TRIP12: variants seen among roughly 807,000 people sequenced by gnomAD.
The protein encoded by TRIP12 is E3 ubiquitin-protein ligase TRIP12.
In TRIP12, 25 loss-of-function variants were observed where a neutral mutation model predicts 244.2. The ratio of observed to expected loss-of-function variants is 0.10; its 90% CI spans 0.07 to 0.14. The LOEUF (loss-of-function observed/expected upper bound fraction) is 0.14. Ranked by LOEUF, TRIP12 falls within the 10% of genes least tolerant of loss-of-function variation. The pLI is 1.00. For synonymous variants in TRIP12, 905 were observed against 873.1 expected, an observed-to-expected ratio of 1.04 and a Z score of -0.64; for missense variants, 1,677 against 2,486.4, an observed-to-expected ratio of 0.67 and a Z score of 6.92.
chr2:229,899,955 G>A (rs1475879988), intron 1 of TRIP12, among the ~76,000 whole-genome samples: 1 of 152,000 alleles, frequency 6.6e-6, no homozygotes, highest in Non-Finnish European at 1.5e-5. Context: ...ATATATAGAA[G>A]GCGCTAATAG....
chr2:229,901,551 TG>T (rs1056184998), intron 1 of TRIP12, among the ~76,000 whole-genome samples: 4 of 146,170 alleles, frequency 2.7e-5, no homozygotes, highest in Admixed American at 7.0e-5. Context: ...TGAACCTGGG[TG>T]GTGGAGGTTG....
intron 1 of TRIP12, among the ~76,000 whole-genome samples, chr2:229,897,261 C>T (rs548825750): frequency 6.6e-6 from 1 of 152,240 alleles, no homozygotes; most frequent in South Asian, 2.1e-4. Context: ...ATATACAAGG[C>T]CTAATATTAC....
chr2:229,803,770 C>G, intron 19 of TRIP12, 81 bp from the exon 20 acceptor site: 1 of 1,062,268 alleles, frequency 9.4e-7, no homozygotes, highest in Non-Finnish European at 1.4e-6. Context: ...AAATTGAGAG[C>G]AAAGCATTTT....
chr2:229,907,490 G>A (rs1236427942), intron 1 of TRIP12, among the ~76,000 whole-genome samples: 2 of 152,100 alleles, frequency 1.3e-5, no homozygotes, highest in African/African-American at 4.8e-5. Context: ...CTTTTCAGAT[G>A]CAAAGGAAAG....
In TRIP12 at chr2:229,766,392, T is replaced by G. The variant is rs1318454353; in HGVS notation, c.*1162A>C. ...CTATAAACAAAAAGGTGAAGCAAACTTTCTTTATTTTCAGGTAAAAACATT... is the reference window on the plus strand; with the variant it reads ...CTATAAACAAAAAGGTGAAGCAAACGTTCTTTATTTTCAGGTAAAAACATT... On this transcript the variant is annotated 3_prime_UTR_variant, in exon 42 of 42. Coordinates refer to ENST00000675903, the MANE Select transcript of TRIP12 (RefSeq NM_001348323.3). The G allele has an allele frequency of 6.6e-6, 1 of 151,806 alleles. No homozygotes were observed. Among genetic ancestry groups the G allele is most frequent in the East Asian group, 1.9e-4 (1 of 5,194 alleles). 9.4% of individuals were successfully genotyped at this position (151,806 alleles called of 1,614,324 possible). A position where few individuals can be genotyped will look rare whatever the true frequency, so the allele number is the denominator to read the frequency against.
chr2:229,782,494 C>T (rs991817776), intron 34 of TRIP12, among the ~76,000 whole-genome samples: 12 of 152,144 alleles, frequency 7.9e-5, no homozygotes, highest in African/African-American at 2.7e-4. Flanking sequence ...GTACCACTAC[C>T]TTGCCACACT....
chr2:229,796,515 T>C, intron 25 of TRIP12, 76 bp downstream of exon 25: 2 of 1,313,200 alleles, frequency 1.5e-6, no homozygotes, highest in Non-Finnish European at 2.0e-6. Context: ...TGCTGGAAAT[T>C]ATTACTGAGA....
At chr2:229,827,138 G>A (rs2051875059) in intron 8 of TRIP12, among the ~76,000 whole-genome samples, 4 of 151,966 alleles carry the variant, frequency 2.6e-5, no homozygotes, top group Admixed American at 2.6e-4. Flanking sequence ...AAATTAGCCA[G>A]ACGTGGTGGC....
intron 1 of TRIP12, among the ~76,000 whole-genome samples, chr2:229,912,041 T>G (rs1264389111): frequency 2.0e-5 from 3 of 152,144 alleles, no homozygotes; most frequent in Admixed American, 2.0e-4. Context: ...GTATTTTGAA[T>G]TACAAAAAAT....
intron 1 of TRIP12, among the ~76,000 whole-genome samples, chr2:229,909,837 G>C (rs1044669507): frequency 1.3e-5 from 2 of 152,298 alleles, no homozygotes; most frequent in Middle Eastern, 3.4e-3. Context: ...CTGGGAGACA[G>C]AGTGAGACAC....
chr2:229,804,814 T>C (rs1055214912), intron 18 of TRIP12, among the ~76,000 whole-genome samples: 3 of 152,230 alleles, frequency 2.0e-5, no homozygotes, highest in Non-Finnish European at 4.4e-5. Context: ...ATATGGCTAA[T>C]TGAGGGCTAC....
chr2:229,835,114 T>A (rs1254836811), intron 6 of TRIP12, among the ~76,000 whole-genome samples: 2 of 152,236 alleles, frequency 1.3e-5, no homozygotes, highest in East Asian at 3.8e-4. Context: ...AATTAGCTTA[T>A]TTCCCCATAA....
chr2:229,831,872 T>TG lies in TRIP12; in HGVS notation c.1271-1034_1271-1033insC, dbSNP rs1451174046. Reference sequence around the variant, plus strand: ...TGTCTGCTGAGGTCAAAGGTTTTTTTTGTTTGTTTTTTGGGTTTTTTTTTT... The same window carrying TG: ...TGTCTGCTGAGGTCAAAGGTTTTTTTGTGTTTGTTTTTTGGGTTTTTTTTTT... On this transcript the variant is annotated intron_variant, in intron 6 of 41. Transcript: ENST00000675903. Among the ~76,000 whole-genome samples the TG allele has an allele frequency of 3.1e-5, 4 of 128,958 alleles. No homozygotes were observed. In the South Asian group the frequency reaches 7.0e-4, roughly 23 times the overall value. The allele number at this position is 128,958 out of a possible 152,430, so 84.6% of individuals were successfully genotyped here.
chr2:229,866,704 A>C (rs377722474), intron 2 of TRIP12, among the ~76,000 whole-genome samples: 16 of 152,316 alleles, frequency 1.1e-4, no homozygotes, highest in African/African-American at 3.8e-4. Flanking sequence ...TATAGGTAAC[A>C]GTCTAGTCCC....
intron 1 of TRIP12, among the ~76,000 whole-genome samples, chr2:229,916,878 A>G (rs1577193126): frequency 6.6e-6 from 1 of 152,166 alleles, no homozygotes; most frequent in South Asian, 2.1e-4. Flanking sequence ...AAAAAAGAAA[A>G]ATCAAGGGAC....
At chr2:229,905,472 T>C (rs1343713349) in intron 1 of TRIP12, among the ~76,000 whole-genome samples, 2 of 152,020 alleles carry the variant, frequency 1.3e-5, no homozygotes, top group African/African-American at 4.8e-5. Flanking sequence ...ACTTGTAGAA[T>C]AAGGCCCTCA....
chr2:229,829,850 G>A (rs1320044700), intron 7 of TRIP12, among the ~76,000 whole-genome samples: 1 of 152,178 alleles, frequency 6.6e-6, no homozygotes, highest in African/African-American at 2.4e-5. Flanking sequence ...TCAGGAGGAT[G>A]AAGCAGGAGA....
At chr2:229,861,493 T>C (rs2060480424) in intron 2 of TRIP12, among the ~76,000 whole-genome samples, 2 of 152,280 alleles carry the variant, frequency 1.3e-5, no homozygotes, top group Middle Eastern at 3.4e-3. Context: ...AATGAAAATC[T>C]AGAAAAAAGT....
chr2:229,829,987 G>A (rs1034573288), intron 7 of TRIP12, among the ~76,000 whole-genome samples: 1 of 152,082 alleles, frequency 6.6e-6, no homozygotes, highest in African/African-American at 2.4e-5. Context: ...GTTCCTGAGA[G>A]TCCGAGTCCT....
Sources: allele counts gnomAD v4.1 joint callset (sites outside exome capture counted in the v4.1 genomes callset), GRCh38; gene constraint gnomAD v4.1.1; transcripts MANE v1.5; gene names NCBI Gene and HGNC (gene_info 2026-07-23, HGNC 2026-07-21).